The following STAT1 variants were observed in gnomAD, a reference collection of about 807,000 sequenced individuals.
STAT1 encodes the protein signal transducer and activator of transcription 1-alpha/beta.
Under a neutral mutation model 111.7 loss-of-function variants are expected in STAT1, and 24 were observed. The observed-to-expected ratio is 0.21, with a 90% confidence interval of 0.16 to 0.30. STAT1 has a LOEUF of 0.30. STAT1 is among the 10% of genes least tolerant of loss of function. The pLI is 1.00. For synonymous variants in STAT1, 332 were observed against 326.5 expected (o/e 1.02, Z -0.18); for missense variants, 351 against 911.9 (o/e 0.38, Z 7.92).
intron 4 of STAT1, 68 bp downstream of exon 4, chr2:191,008,895 T>C: frequency 6.4e-7 from 1 of 1,554,552 alleles, no homozygotes; most frequent in Non-Finnish European, 8.8e-7. Context: ...TTGTATTTGC[T>C]GAATGAAGAA....
rs140249906 is a variant in STAT1, at chr2:190,981,720, T to A, written c.1582+663A>T. Reference sequence around the variant, plus strand: ...TACAGAAAGCAAATCTGGATACAAGTTGTCCACGGATTTTTAAAGAAATAG... The same window carrying A: ...TACAGAAAGCAAATCTGGATACAAGATGTCCACGGATTTTTAAAGAAATAG... On this transcript the variant is annotated intron_variant, in intron 18 of 24. Transcript: ENST00000361099. This position sits in a 1 kb window ranked among gnomAD's most constrained non-coding sequence, Gnocchi z 4.1. 1.3e-5 allele frequency among the ~76,000 whole-genome samples: 2 copies of A among 152,336 alleles called. No homozygotes were observed. Among genetic ancestry groups the A allele is most frequent in the African/African-American group, 4.8e-5 (2 of 41,564 alleles).
Position 190,978,959 on chromosome 2 carries a change from C to T in STAT1, c.1770G>A (p.Leu590=), listed in dbSNP as rs1330735536. 1 of 1,614,074 alleles carries T rather than the reference C, an allele frequency of 6.2e-7. No individual in the cohort carries two copies. Among genetic ancestry groups the T allele is most frequent in the African/African-American group, 1.3e-5 (1 of 74,922 alleles). Residue 590 remains leucine (L), a synonymous_variant, in exon 21 of 25, where the codon CTG becomes CTA. Transcript: ENST00000361099. This position sits in a 1 kb window ranked among gnomAD's most constrained non-coding sequence, Gnocchi z 6.1. ...GFISKERERA[L]LKDQQPGTFL... ...AGGTCCCCGGCTGCTGGTCCTTCAACAGGGCACGCTCTCGCTCCTTGCTGA... is the reference window on the plus strand; with the variant it reads ...AGGTCCCCGGCTGCTGGTCCTTCAATAGGGCACGCTCTCGCTCCTTGCTGA...
rs113378729 is a variant in STAT1 at position 191,005,259 on chromosome 2, G to C, written c.372+2304C>G. Among the ~76,000 whole-genome samples, 105 of 152,182 alleles carry C rather than the reference G, an allele frequency of 6.9e-4. 2 individuals are homozygous for C. Among genetic ancestry groups the C allele is most frequent in the Middle Eastern group, 3.4e-3 (1 of 294 alleles). Reference sequence around the variant, plus strand: ...CATCCCTATTCTCCTTACTCTTCTAGTCCCCAAATGGGATTATTTGAAGCA... The same window carrying C: ...CATCCCTATTCTCCTTACTCTTCTACTCCCCAAATGGGATTATTTGAAGCA... On this transcript the variant is annotated intron_variant, in intron 5 of 24. Transcript: ENST00000361099.
At position 190,989,232 on chromosome 2, in the gene STAT1, C is replaced by T. The variant is rs1040509456; in HGVS notation, c.1097+383G>A. On this transcript the variant is annotated intron_variant, in intron 12 of 24. Coordinates refer to ENST00000361099, the MANE Select transcript of STAT1 (RefSeq NM_007315.4). This position sits in a 1 kb window ranked among gnomAD's most constrained non-coding sequence, Gnocchi z 5.0. ...GAAGGAGGGGGTGGCATGCCAAGTC[C>T]AGCCACTTTGAGACTTGCTGATTAC... 2.2e-4 allele frequency among the ~76,000 whole-genome samples: 33 copies of T among 152,332 alleles called. No homozygotes were observed. Among genetic ancestry groups the T allele is most frequent in the African/African-American group, 6.0e-4 (25 of 41,572 alleles).
At position 190,983,059 on chromosome 2, in the gene STAT1, C is replaced by T. The variant is rs1160085079; in HGVS notation, c.1447-541G>A. 6.6e-6 allele frequency among the ~76,000 whole-genome samples: 1 copy of T among 152,192 alleles called. No individual in the cohort carries two copies. Among genetic ancestry groups the T allele is most frequent in the Admixed American group, 6.5e-5 (1 of 15,290 alleles). On this transcript the variant is annotated intron_variant, in intron 17 of 24. Transcript: ENST00000361099. The surrounding 1 kb of genome is among the most constrained non-coding windows in gnomAD (Gnocchi z 5.7). ...GAAAATACATGTGTGAGGCAAGCTT[C>T]ACTCAGGCATGAGTTACAGTGATCC...
At position 190,976,744 on chromosome 2, in the gene STAT1, C is replaced by A; in HGVS notation, c.2059+96G>T. ...TTTTGAAAGCCTACTCTTACCAATTCGAAAGCAAAACACTGCATGGGTGGA... is the reference window on the plus strand; with the variant it reads ...TTTTGAAAGCCTACTCTTACCAATTAGAAAGCAAAACACTGCATGGGTGGA... On this transcript the variant is annotated intron_variant, in intron 22 of 24. Transcript: ENST00000361099. This position sits in a 1 kb window ranked among gnomAD's most constrained non-coding sequence, Gnocchi z 6.0. 1 of 1,124,780 alleles carries A rather than the reference C, an allele frequency of 8.9e-7. No homozygotes were observed. The highest frequency in any genetic ancestry group is 1.3e-6 in the Non-Finnish European group (1 of 742,808). 69.7% of individuals were successfully genotyped at this position (1,124,780 alleles called of 1,614,324 possible).
rs1011245003 is a variant in STAT1, at chr2:190,996,708, TATTA to T, written c.785+1144_785+1147del. ...CACAGAACAAAAATAAATGGCTGAA[TATTA>T]ATTGTGATTTTTTTAAAAACTGGCA... is the stretch of plus-strand genomic sequence containing the variant. On this transcript the variant is annotated intron_variant, in intron 9 of 24. Coordinates refer to ENST00000361099, the MANE Select transcript of STAT1 (RefSeq NM_007315.4). This position sits in a 1 kb window ranked among gnomAD's most constrained non-coding sequence, Gnocchi z 4.5. 5.3e-5 allele frequency among the ~76,000 whole-genome samples: 8 copies of T among 152,170 alleles called. No homozygotes were observed.
intron 3 of STAT1, 94 bp downstream of exon 3, chr2:191,009,782 A>G (rs1694988614): frequency 1.3e-6 from 2 of 1,499,084 alleles, no homozygotes; most frequent in East Asian, 2.3e-5. Flanking sequence ...CCATTGATGG[A>G]ATTCATCTTC....
rs529316850 is a variant in STAT1 at position 190,970,263 on chromosome 2, G to T, written c.*440C>A. On this transcript the variant is annotated 3_prime_UTR_variant, in exon 25 of 25. Transcript: ENST00000361099. This position sits in a 1 kb window ranked among gnomAD's most constrained non-coding sequence, Gnocchi z 5.4. The stretch of plus-strand genomic sequence containing the variant: ...GTTACACTTAAAGCAAAGAAAACAT[G>T]TAAGAATTCTCCCACAGAAATTTAC... The T allele has an allele frequency of 3.0e-5, 7 of 236,296 alleles. No individual in the cohort carries two copies. The East Asian group carries it at 7.2e-4, about 24-fold the overall frequency. The allele number at this position is 236,296 out of a possible 1,614,324, so 14.6% of individuals were successfully genotyped here. A position where few individuals can be genotyped will look rare whatever the true frequency, so the allele number is the denominator to read the frequency against.
intron 11 of STAT1, 139 bp downstream of exon 11, chr2:190,991,089 T>G (rs1693292040): frequency 2.8e-6 from 2 of 713,334 alleles, no homozygotes; most frequent in South Asian, 3.1e-5. Flanking sequence ...TCAGATATTC[T>G]CAGTAAGAGT....
Position 191,000,643 on chromosome 2 carries a change from A to G in STAT1, c.462+431T>C, listed in dbSNP as rs984531080. On this transcript the variant is annotated intron_variant, in intron 6 of 24. Transcript: ENST00000361099. This position sits in a 1 kb window ranked among gnomAD's most constrained non-coding sequence, Gnocchi z 4.8. ...CTGTGGATGTCTTAATCAGAAATGT[A>G]TCCAAATTTCTTTCAATAAAATGTA... Among the ~76,000 whole-genome samples the G allele has an allele frequency of 2.0e-5, 3 of 152,228 alleles. No individual in the cohort carries two copies. The highest frequency in any genetic ancestry group is 1.5e-5 in the Non-Finnish European group (1 of 68,044).
rs1694070776 is a variant in STAT1 at position 190,999,106 on chromosome 2, A to G, written c.541+520T>C. ...ATTAAAAACACGCAACAGTAAGAAA[A>G]TACAGTAAAACTGCTTTAAAACATG... is the stretch of plus-strand genomic sequence containing the variant. On this transcript the variant is annotated intron_variant, in intron 7 of 24. Coordinates refer to ENST00000361099, the MANE Select transcript of STAT1 (RefSeq NM_007315.4). The surrounding 1 kb of genome is among the most constrained non-coding windows in gnomAD (Gnocchi z 4.1). 6.6e-6 allele frequency among the ~76,000 whole-genome samples: 1 copy of G among 152,224 alleles called. No individual in the cohort carries two copies. Among genetic ancestry groups the G allele is most frequent in the African/African-American group, 2.4e-5 (1 of 41,458 alleles).
rs1692424589 is a variant in STAT1 at position 190,981,952 on chromosome 2, C to T, written c.1582+431G>A. Among the ~76,000 whole-genome samples, 2 of 152,226 alleles carry T rather than the reference C, an allele frequency of 1.3e-5. No individual in the cohort carries two copies. The highest frequency in any genetic ancestry group is 4.8e-5 in the African/African-American group (2 of 41,452). ...GGCATCCTCTGCTACCTGGGCCCCA[C>T]CTGAGGCAAGGGCCCTGGGTTTATG... On this transcript the variant is annotated intron_variant, in intron 18 of 24. Coordinates refer to ENST00000361099, the MANE Select transcript of STAT1 (RefSeq NM_007315.4). This position sits in a 1 kb window ranked among gnomAD's most constrained non-coding sequence, Gnocchi z 4.1.
Position 190,969,383 on chromosome 2 carries a change from C to T in STAT1, c.*1320G>A, listed in dbSNP as rs1038714220. 1 of 152,056 alleles carries T rather than the reference C, an allele frequency of 6.6e-6. No homozygotes were observed. The highest frequency in any genetic ancestry group is 2.4e-5 in the African/African-American group (1 of 41,410). 9.4% of individuals were successfully genotyped at this position (152,056 alleles called of 1,614,324 possible). On this transcript the variant is annotated 3_prime_UTR_variant, in exon 25 of 25. Transcript: ENST00000361099. ...TCTTTATCTCCACCAAAGAAGAATA[C>T]AGCATTTGCATGATAATATAGTTGT... is the stretch of plus-strand genomic sequence containing the variant.
chr2:190,987,983 T>C lies in STAT1; in HGVS notation c.1098-915A>G, dbSNP rs1692996695. Among the ~76,000 whole-genome samples, 1 of 152,226 alleles carries C rather than the reference T, an allele frequency of 6.6e-6. No individual in the cohort carries two copies. The highest frequency in any genetic ancestry group is 1.5e-5 in the Non-Finnish European group (1 of 68,038). ...AAAAGACACAAGGGCCCGAAGCAGCTGAGAGGAGCTGAGCTGACGCAGAAG... is the reference window on the plus strand; with the variant it reads ...AAAAGACACAAGGGCCCGAAGCAGCCGAGAGGAGCTGAGCTGACGCAGAAG... On this transcript the variant is annotated intron_variant, in intron 12 of 24. Transcript: ENST00000361099. This position sits in a 1 kb window ranked among gnomAD's most constrained non-coding sequence, Gnocchi z 4.0.
At position 190,984,478 on chromosome 2, in the gene STAT1, G is replaced by T; in HGVS notation, c.1264-85C>A. On this transcript the variant is annotated intron_variant, in intron 15 of 24. Coordinates refer to ENST00000361099, the MANE Select transcript of STAT1 (RefSeq NM_007315.4). The surrounding 1 kb of genome is among the most constrained non-coding windows in gnomAD (Gnocchi z 5.2). Reference sequence around the variant, plus strand: ...AAAAGCCCAATTAACATTGCAACAGGCCACAGAGATCCTGGGCCCAATCAG... The same window carrying T: ...AAAAGCCCAATTAACATTGCAACAGTCCACAGAGATCCTGGGCCCAATCAG... 3 of 1,152,042 alleles carry T rather than the reference G, an allele frequency of 2.6e-6. No individual in the cohort carries two copies. The highest frequency in any genetic ancestry group is 3.9e-6 in the Non-Finnish European group (3 of 774,910). 71.4% of individuals were successfully genotyped at this position (1,152,042 alleles called of 1,614,324 possible).
rs555990013 is a variant in STAT1 at position 190,970,982 on chromosome 2, G to A, written c.2239-265C>T. On this transcript the variant is annotated intron_variant, in intron 24 of 24. Transcript: ENST00000361099. The surrounding 1 kb of genome is among the most constrained non-coding windows in gnomAD (Gnocchi z 5.4). ...TGTGAATCCATCCAGACTGCATAAA[G>A]CTTTTTGCTGTTATGCAAGTCTGGG... is the stretch of plus-strand genomic sequence containing the variant. 1.3e-5 allele frequency among the ~76,000 whole-genome samples: 2 copies of A among 152,332 alleles called. No individual in the cohort carries two copies. Among genetic ancestry groups the A allele is most frequent in the African/African-American group, 4.8e-5 (2 of 41,576 alleles).
In STAT1 at chr2:190,975,215, C is replaced by T; in HGVS notation, c.2136-283G>A. 2.1e-6 allele frequency: 1 copy of T among 466,824 alleles called. No individual in the cohort carries two copies. The highest frequency in any genetic ancestry group is 3.4e-4 in the Middle Eastern group (1 of 2,978). 28.9% of individuals were successfully genotyped at this position (466,824 alleles called of 1,614,324 possible). A position where few individuals can be genotyped will look rare whatever the true frequency, so the allele number is the denominator to read the frequency against. On this transcript the variant is annotated intron_variant, in intron 23 of 24. Coordinates refer to ENST00000361099, the MANE Select transcript of STAT1 (RefSeq NM_007315.4). The surrounding 1 kb of genome is among the most constrained non-coding windows in gnomAD (Gnocchi z 5.9). ...CTGCCTGGGTAAGCCTAGGTGTGAG[C>T]ATGTGCGGTGCACTACCCTGAGATG...
In STAT1 at chr2:190,979,739, A is replaced by G. The variant is rs1692211734; in HGVS notation, c.1727+33T>C. The G allele has an allele frequency of 6.5e-7, 1 of 1,541,296 alleles. No homozygotes were observed. Among genetic ancestry groups the G allele is most frequent in the African/African-American group, 1.4e-5 (1 of 73,428 alleles). On this transcript the variant is annotated intron_variant, in intron 20 of 24. Coordinates refer to ENST00000361099, the MANE Select transcript of STAT1 (RefSeq NM_007315.4). The surrounding 1 kb of genome is among the most constrained non-coding windows in gnomAD (Gnocchi z 5.8). ...GTCTCAACCTCGCAGCACTAAAAAT[A>G]TGTTTCAAAATACATCTATCGGTGG...
Sources: gnomAD v4.1 joint callset for allele counts (sites outside exome capture counted in the v4.1 genomes callset) on GRCh38, gnomAD v4.1.1 for gene constraint, Gnocchi (gnomAD v3.1) non-coding constraint, MANE v1.5 for transcripts, NCBI Gene and HGNC (gene_info 2026-07-23, HGNC 2026-07-21) for gene names.